SPACA9: variants seen among roughly 807,000 people sequenced by gnomAD.
SPACA9 encodes the protein sperm acrosome associated 9.
In SPACA9, 14 loss-of-function variants were observed where a neutral mutation model predicts 12.5. That is an observed-to-expected ratio of 1.12 (90% CI 0.74 to 1.75). SPACA9 has a LOEUF of 1.75. Ranked by LOEUF, SPACA9 falls within the 40% of genes most tolerant of loss-of-function variation. The pLI is 0.00. For missense variants in SPACA9, 292 were observed against 291.9 expected (o/e 1.00, Z 0.00); for synonymous variants, 111 against 114.1 (o/e 0.97, Z 0.17).
upstream of SPACA9, chr9:132,878,730 C>A (rs1844275978): frequency 1.0e-6 from 1 of 986,876 alleles, no homozygotes; most frequent in Non-Finnish European, 1.2e-6. The surrounding 1 kb of genome is among the most constrained non-coding windows in gnomAD (Gnocchi z 4.7). Context: ...GCCGGAGGTT[C>A]GAGGATCGGG....
In SPACA9 at chr9:132,887,194, G is replaced by T. The variant is rs1388309962; in HGVS notation, c.145-175G>T. Reference sequence around the variant, plus strand: ...CCATCCATCCATCTATAGAGAGAGAGATACCACTATATAGAGTGGTCTGTA... The same window carrying T: ...CCATCCATCCATCTATAGAGAGAGATATACCACTATATAGAGTGGTCTGTA... On this transcript the variant is annotated intron_variant, in intron 2 of 3. Transcript: ENST00000356311. The surrounding 1 kb of genome is among the most constrained non-coding windows in gnomAD (Gnocchi z 5.4). Among the ~76,000 whole-genome samples the T allele has an allele frequency of 1.3e-5, 2 of 151,448 alleles. No individual in the cohort carries two copies. Among genetic ancestry groups the T allele is most frequent in the South Asian group, 2.1e-4 (1 of 4,786 alleles).
Position 132,884,063 on chromosome 9 carries a change from A to C in SPACA9, c.116A>C (p.Lys39Thr), listed in dbSNP as rs1844501282. 2 of 1,613,980 alleles carry C rather than the reference A, an allele frequency of 1.2e-6. No homozygotes were observed. Among genetic ancestry groups the C allele is most frequent in the African/African-American group, 2.7e-5 (2 of 74,924 alleles). The change falls in exon 2 of 4, where the codon AAG (lysine) becomes ACG (threonine). Residue 39 changes from lysine to threonine, a missense_variant. Transcript: ENST00000356311. ...CACTGCAGGGAGAACGCCCACGACA[A>C]GATCCGGCCCATCTCCAGCATTGGA... ...LEHCRENAHD[K>T]IRPISSIGQV...
chr9:132,878,897 C>T (rs774178175), upstream of SPACA9: 24 of 512,138 alleles, frequency 4.7e-5, no homozygotes, highest in African/African-American at 1.7e-4. This position sits in a 1 kb window ranked among gnomAD's most constrained non-coding sequence, Gnocchi z 4.7. Context: ...CCCCACCCAC[C>T]CTCGCCTCCC....
chr9:132,886,317 C>T (rs1200690899), intron 2 of SPACA9, among the ~76,000 whole-genome samples: 1 of 152,234 alleles, frequency 6.6e-6, no homozygotes, highest in Non-Finnish European at 1.5e-5. Context: ...TGGGTAACCC[C>T]ATAAGCTCCA....
rs900148358 is a variant in SPACA9 at position 132,888,475 on chromosome 9, G to A, written c.533G>A (p.Gly178Glu). The change falls in exon 4 of 4, where the codon GGA becomes GAA. Residue 178 changes from glycine to glutamate, a missense_variant. Transcript: ENST00000356311. The surrounding 1 kb of genome is among the most constrained non-coding windows in gnomAD (Gnocchi z 5.0). ...EPQAHQESTR[G>E]AARPAQAIGT... ...CAGGCGCACCAGGAGAGCACCAGGG[G>A]AGCCGCTCGTCCTGCCCAGGCCATA... 4 of 1,610,126 alleles carry A rather than the reference G, an allele frequency of 2.5e-6. No individual in the cohort carries two copies. The highest frequency in any genetic ancestry group is 2.5e-6 in the Non-Finnish European group (3 of 1,178,498).
At chr9:132,884,534 G>C (rs1000601599) in intron 2 of SPACA9, among the ~76,000 whole-genome samples, 3 of 152,226 alleles carry the variant, frequency 2.0e-5, no homozygotes, top group Non-Finnish European at 2.9e-5. Flanking sequence ...AGGTGCTTTC[G>C]CAGATGTTTT....
chr9:132,880,355 A>G (rs2131475421), intron 1 of SPACA9, among the ~76,000 whole-genome samples: 1 of 152,250 alleles, frequency 6.6e-6, no homozygotes. Flanking sequence ...AGGGACGATC[A>G]CTTCGGATAG....
chr9:132,879,210 G>A lies in SPACA9; in HGVS notation c.-38+196G>A, dbSNP rs1052291502. 3.3e-5 allele frequency among the ~76,000 whole-genome samples: 5 copies of A among 152,348 alleles called. 1 individual carries two copies. The highest frequency in any genetic ancestry group is 1.5e-5 in the Non-Finnish European group (1 of 68,032). ...TTTTTAAGTCGTATGAATTCCCAGT[G>A]GTACGGGGCAGCTTGATATTTTATT... On this transcript the variant is annotated intron_variant, in intron 1 of 3. Coordinates refer to ENST00000356311, the MANE Select transcript of SPACA9 (RefSeq NM_001316897.2).
chr9:132,887,944 G>A lies in SPACA9; in HGVS notation c.348-346G>A, dbSNP rs753532164. Among the ~76,000 whole-genome samples the A allele has an allele frequency of 6.6e-5, 10 of 152,086 alleles. No individual in the cohort carries two copies. The highest frequency in any genetic ancestry group is 1.9e-4 in the African/African-American group (8 of 41,410). ...TGAGGGCTCCTCATCCTGACAGCCC[G>A]GGAGCCTGCAGCACAGTGGGCCAGA... On this transcript the variant is annotated intron_variant, in intron 3 of 3. Coordinates refer to ENST00000356311, the MANE Select transcript of SPACA9 (RefSeq NM_001316897.2). This position sits in a 1 kb window ranked among gnomAD's most constrained non-coding sequence, Gnocchi z 5.4.
At chr9:132,881,011 A>G (rs1042621026) in intron 1 of SPACA9, among the ~76,000 whole-genome samples, 5 of 151,952 alleles carry the variant, frequency 3.3e-5, no homozygotes, top group Admixed American at 3.3e-4. Flanking sequence ...TTTTTATTAC[A>G]GACAGGGTTT....
intron 2 of SPACA9, among the ~76,000 whole-genome samples, chr9:132,884,926 C>G (rs1470187578): frequency 7.8e-6 from 1 of 128,700 alleles, no homozygotes; most frequent in African/African-American, 2.8e-5. Context: ...CCAGCCTGAC[C>G]AACATGGTGA....
chr9:132,887,645 T>G lies in SPACA9; in HGVS notation c.347+74T>G. ...AGGCCTCTGTCCTGCTTCTTTCCTG[T>G]TGCCTGGATCATGGTGCTCCTATTA... On this transcript the variant is annotated intron_variant, in intron 3 of 3. Transcript: ENST00000356311. The surrounding 1 kb of genome is among the most constrained non-coding windows in gnomAD (Gnocchi z 5.4). 7.5e-7 allele frequency: 1 copy of G among 1,328,386 alleles called. No homozygotes were observed. Among genetic ancestry groups the G allele is most frequent in the Non-Finnish European group, 1.1e-6 (1 of 931,560 alleles). 82.3% of individuals were successfully genotyped at this position (1,328,386 alleles called of 1,614,324 possible).
rs1285300949 is a variant in SPACA9 at position 132,883,911 on chromosome 9, A to G, written c.-37A>G. 1.2e-6 allele frequency: 2 copies of G among 1,610,532 alleles called. No individual in the cohort carries two copies. The highest frequency in any genetic ancestry group is 1.7e-4 in the Middle Eastern group (1 of 6,050). ...ATCACTATCCTCTGTCTCCCCATAGATTCCTCTTCTCCTGTAAATGACCAC... is the reference window on the plus strand; with the variant it reads ...ATCACTATCCTCTGTCTCCCCATAGGTTCCTCTTCTCCTGTAAATGACCAC... On this transcript the variant is annotated splice_region_variant and 5_prime_UTR_variant, in exon 2 of 4. Coordinates refer to ENST00000356311, the MANE Select transcript of SPACA9 (RefSeq NM_001316897.2).
rs1041130252 is a variant in SPACA9, at chr9:132,889,716, G to A, written c.*1105G>A. The stretch of plus-strand genomic sequence containing the variant: ...AGGTGTGAGCCACGGCACCTGGCCA[G>A]AACTCAGTAGTGTGTTTAGTTCTCT... On this transcript the variant is annotated 3_prime_UTR_variant, in exon 4 of 4. Coordinates refer to ENST00000356311, the MANE Select transcript of SPACA9 (RefSeq NM_001316897.2). 4 of 1,162,080 alleles carry A rather than the reference G, an allele frequency of 3.4e-6. No homozygotes were observed. In the Admixed American group the frequency reaches 1.7e-4, roughly 50 times the overall value. 72.0% of individuals were successfully genotyped at this position (1,162,080 alleles called of 1,614,324 possible).
At position 132,887,125 on chromosome 9, in the gene SPACA9, T is replaced by TTCATA. The variant is rs985187487; in HGVS notation, c.145-236_145-232dup. Among the ~76,000 whole-genome samples the TTCATA allele has an allele frequency of 6.6e-6, 1 of 150,416 alleles. No homozygotes were observed. Among genetic ancestry groups the TTCATA allele is most frequent in the African/African-American group, 2.4e-5 (1 of 41,064 alleles). The stretch of plus-strand genomic sequence containing the variant: ...CACTGTGCCCAACCGATCCATTAAT[T>TTCATA]TCATATCATATCTATCCATCCATCC... On this transcript the variant is annotated intron_variant, in intron 2 of 3. Coordinates refer to ENST00000356311, the MANE Select transcript of SPACA9 (RefSeq NM_001316897.2). This position sits in a 1 kb window ranked among gnomAD's most constrained non-coding sequence, Gnocchi z 5.4.
upstream of SPACA9, chr9:132,878,817 A>C: frequency 4.1e-6 from 4 of 976,724 alleles, no homozygotes; most frequent in Non-Finnish European, 4.9e-6. This position sits in a 1 kb window ranked among gnomAD's most constrained non-coding sequence, Gnocchi z 4.7. Flanking sequence ...CCAAGCCGCC[A>C]AGTGACCCGA....
chr9:132,881,285 G>A (rs796806318), intron 1 of SPACA9, among the ~76,000 whole-genome samples: 45 of 96,366 alleles, frequency 4.7e-4, no homozygotes, highest in South Asian at 1.9e-3. Context: ...AAAAAAAAAA[G>A]AAAAAAAAGA....
At chr9:132,883,031 C>T (rs151001708) in intron 1 of SPACA9, among the ~76,000 whole-genome samples, 11 of 152,232 alleles carry the variant, frequency 7.2e-5, no homozygotes, top group East Asian at 1.9e-4. Flanking sequence ...GCATTTTGCA[C>T]GCGCTCAGCA....
At chr9:132,878,401 C>T, upstream of SPACA9, 1 of 1,241,126 alleles carries the variant, frequency 8.1e-7, no homozygotes, top group Non-Finnish European at 1.0e-6. This position sits in a 1 kb window ranked among gnomAD's most constrained non-coding sequence, Gnocchi z 4.7. Flanking sequence ...GTCGCCCCCG[C>T]CCCGACCTCC....
Sources: allele counts gnomAD v4.1 joint callset (sites outside exome capture counted in the v4.1 genomes callset), GRCh38; gene constraint gnomAD v4.1.1; non-coding constraint Gnocchi (gnomAD v3.1); transcripts MANE v1.5; gene names NCBI Gene and HGNC (gene_info 2026-07-23, HGNC 2026-07-21).